The following FCHO1 variants were observed in gnomAD, a reference collection of about 807,000 sequenced individuals.
The protein encoded by FCHO1 is F-BAR domain only protein 1.
A neutral mutation model predicts 114.4 loss-of-function variants in FCHO1; 45 were observed. The observed-to-expected ratio is 0.39, with a 90% confidence interval of 0.31 to 0.50. FCHO1 has a LOEUF of 0.50. FCHO1 is among the 20% of genes least tolerant of loss of function. The pLI is 0.77. For missense variants in FCHO1, 1,042 were observed against 1,209.6 expected, an observed-to-expected ratio of 0.86 and a Z score of 2.06; for synonymous variants, 480 against 488.9, an observed-to-expected ratio of 0.98 and a Z score of 0.24.
intron 1 of FCHO1, among the ~76,000 whole-genome samples, chr19:17,753,057 G>C (rs1171957822): frequency 5.9e-5 from 9 of 152,150 alleles, no homozygotes; most frequent in Non-Finnish European, 1.3e-4. Context: ...ACTCCAGCCT[G>C]GGCAACAGAG....
In FCHO1 at chr19:17,776,318, A is replaced by G. The variant is rs528982497; in HGVS notation, c.1207+47A>G. ...GAGTGGGGAGGATCCTAAGGAAGGG[A>G]GGCTATGGGTTTGGGCTTGAATCAT... On this transcript the variant is annotated intron_variant, in intron 17 of 28. Transcript: ENST00000596536. The surrounding 1 kb of genome is among the most constrained non-coding windows in gnomAD (Gnocchi z 4.4). 112 of 1,612,260 alleles carry G rather than the reference A, an allele frequency of 6.9e-5. 1 individual carries two copies. In the South Asian group the frequency reaches 1.1e-3, roughly 16 times the overall value.
intron 18 of FCHO1, among the ~76,000 whole-genome samples, chr19:17,777,403 G>T (rs535162366): frequency 5.1e-4 from 77 of 152,004 alleles, no homozygotes; most frequent in African/African-American, 1.5e-3. Flanking sequence ...AGGCATGGTG[G>T]CACATGCCTG....
chr19:17,778,274 G>A (rs762865137), intron 19 of FCHO1, 46 bp downstream of exon 19: 1 of 1,484,110 alleles, frequency 6.7e-7, no homozygotes, highest in Non-Finnish European at 9.4e-7. Context: ...GCCGGAGGGA[G>A]GTTGGGTGGG....
intron 20 of FCHO1, among the ~76,000 whole-genome samples, chr19:17,780,272 T>C (rs7249367): frequency 0.89 from 133,929 of 151,296 alleles, 59,761 homozygotes; most frequent in Middle Eastern, 0.97. Flanking sequence ...TCAAACAGTT[T>C]TCTGCCTCAG....
At chr19:17,782,543 C>T (rs932578590) in intron 23 of FCHO1, among the ~76,000 whole-genome samples, 2 of 152,114 alleles carry the variant, frequency 1.3e-5, no homozygotes, top group Non-Finnish European at 2.9e-5. Context: ...TTGCTGTAGA[C>T]GCCAAGGCTG....
rs749004797 is a variant in FCHO1 at position 17,766,816 on chromosome 19, T to A, written c.336+6T>A. 1.1e-5 allele frequency: 18 copies of A among 1,610,398 alleles called. No individual in the cohort carries two copies. Among genetic ancestry groups the A allele is most frequent in the Admixed American group, 3.3e-5 (2 of 59,908 alleles). ...AGCTCAAGACCCACAAGAAGGTGTG[T>A]GTCGTGGGCGCCGCCCAGCGGCTGG... On this transcript the variant is annotated splice_donor_region_variant and intron_variant, in intron 7 of 28. Transcript: ENST00000596536.
At chr19:17,759,348 G>A (rs948224975) in intron 4 of FCHO1, among the ~76,000 whole-genome samples, 5 of 150,064 alleles carry the variant, frequency 3.3e-5, no homozygotes, top group Non-Finnish European at 7.4e-5. Flanking sequence ...TCAGCCTCCC[G>A]AGTACTTGGG....
At position 17,775,464 on chromosome 19, in the gene FCHO1, AGAGGTGGAT is replaced by A. The variant is rs1176715152; in HGVS notation, c.957_965del (p.Val320_Glu322del). ...CCCCCTGACTCCCCTAGACATGTCC[AGAGGTGGAT>A]GAAGAAGGTTTCACTGTCCGGCCTG... On this transcript the variant is annotated inframe_deletion, in exon 15 of 29. Transcript: ENST00000596536. The surrounding 1 kb of genome is among the most constrained non-coding windows in gnomAD (Gnocchi z 5.1). The A allele has an allele frequency of 6.2e-7, 1 of 1,613,952 alleles. No homozygotes were observed. The highest frequency in any genetic ancestry group is 1.7e-5 in the Admixed American group (1 of 60,002).
chr19:17,779,990 TGAG>T (rs1208579830), intron 20 of FCHO1, among the ~76,000 whole-genome samples: 3 of 151,050 alleles, frequency 2.0e-5, no homozygotes, highest in African/African-American at 7.3e-5. Flanking sequence ...GGGGGCTGTC[TGAG>T]GAGAATGGGA....
chr19:17,788,337 C>A lies in FCHO1; in HGVS notation c.*31C>A. ...CAAATGCTGCTGCCCCAGCTCTACACTGCGCCCTGGTGCTGGCTGACCACC... is the reference window on the plus strand; with the variant it reads ...CAAATGCTGCTGCCCCAGCTCTACAATGCGCCCTGGTGCTGGCTGACCACC... On this transcript the variant is annotated 3_prime_UTR_variant, in exon 29 of 29. Transcript: ENST00000596536. 6.4e-7 allele frequency: 1 copy of A among 1,565,452 alleles called. No homozygotes were observed. Among genetic ancestry groups the A allele is most frequent in the Non-Finnish European group, 8.7e-7 (1 of 1,148,738 alleles).
intron 4 of FCHO1, among the ~76,000 whole-genome samples, chr19:17,762,445 G>A (rs375869143): frequency 6.6e-6 from 1 of 152,022 alleles, no homozygotes; most frequent in African/African-American, 2.4e-5. Context: ...AGACAGAAAC[G>A]GCAGAGAGAC....
At chr19:17,782,965 G>A in intron 23 of FCHO1, 52 bp from the exon 24 acceptor site, 1 of 1,591,668 alleles carries the variant, frequency 6.3e-7, no homozygotes, top group Non-Finnish European at 8.6e-7. Context: ...GGGGAAGGAT[G>A]AGGCACCAGG....
intron 20 of FCHO1, among the ~76,000 whole-genome samples, chr19:17,780,247 C>G (rs1435726466): frequency 1.3e-5 from 2 of 150,532 alleles, no homozygotes; most frequent in East Asian, 3.9e-4. Context: ...TCACTGCAAC[C>G]TCTGCCTCCC....
chr19:17,785,687 A>T (rs2093813916), intron 26 of FCHO1, among the ~76,000 whole-genome samples: 1 of 151,964 alleles, frequency 6.6e-6, no homozygotes, highest in African/African-American at 2.4e-5. Context: ...CAAAAAAAAA[A>T]TCCGGGCATG....
At chr19:17,783,431 A>G (rs2093609878) in intron 24 of FCHO1, among the ~76,000 whole-genome samples, 2 of 148,168 alleles carry the variant, frequency 1.3e-5, no homozygotes, top group South Asian at 4.3e-4. Context: ...ACACCCAGCT[A>G]ATTTCTTTCG....
At chr19:17,767,442 C>T (rs1025817641) in intron 7 of FCHO1, among the ~76,000 whole-genome samples, 3 of 148,446 alleles carry the variant, frequency 2.0e-5, no homozygotes, top group African/African-American at 5.0e-5. Flanking sequence ...TGGCACATGC[C>T]GGTAGTCCCA....
intron 27 of FCHO1, among the ~76,000 whole-genome samples, chr19:17,787,335 C>G (rs991654639): frequency 7.3e-5 from 11 of 150,148 alleles, no homozygotes; most frequent in Admixed American, 4.6e-4. Context: ...CACTTGAGCC[C>G]AGGAGTTAGA....
Position 17,775,180 on chromosome 19 carries a change from C to G in FCHO1, c.945+100C>G, listed in dbSNP as rs529090923. On this transcript the variant is annotated intron_variant, in intron 14 of 28. Transcript: ENST00000596536. The surrounding 1 kb of genome is among the most constrained non-coding windows in gnomAD (Gnocchi z 5.1). ...CGATCCCTACTGGAAACTAAAGAGC[C>G]GAGATTGAGGGGCGGGCTGGAGCCT... 2.2e-6 allele frequency: 3 copies of G among 1,367,868 alleles called. No homozygotes were observed. The highest frequency in any genetic ancestry group is 1.8e-4 in the Middle Eastern group (1 of 5,418). The allele number at this position is 1,367,868 out of a possible 1,614,324, so 84.7% of individuals were successfully genotyped here.
chr19:17,760,803 C>A (rs183881075), intron 4 of FCHO1, among the ~76,000 whole-genome samples: 4 of 152,258 alleles, frequency 2.6e-5, no homozygotes, highest in African/African-American at 2.4e-5. Flanking sequence ...GCACCTGCCA[C>A]CATGCTTGGC....
Sources: allele counts gnomAD v4.1 joint callset (sites outside exome capture counted in the v4.1 genomes callset), GRCh38; gene constraint gnomAD v4.1.1; non-coding constraint Gnocchi (gnomAD v3.1); transcripts MANE v1.5; gene names NCBI Gene and HGNC (gene_info 2026-07-23, HGNC 2026-07-21).